Variants in ALG10 observed in about 807,000 individuals in gnomAD.
The protein encoded by ALG10 is ALG10 alpha-1,2-glucosyltransferase.
ALG10 carries 25 observed loss-of-function variants against 39.2 expected under a neutral mutation model. The ratio of observed to expected loss-of-function variants is 0.64; its 90% CI spans 0.46 to 0.89. The LOEUF (loss-of-function observed/expected upper bound fraction) is 0.89. ALG10 is among the 40% of genes least tolerant of loss of function. The pLI is 0.00. For synonymous variants in ALG10, 184 were observed against 193.9 expected (o/e 0.95, Z 0.42); for missense variants, 486 against 546.6 (o/e 0.89, Z 1.11).
chr12:34,025,773 T>C (rs1942823880), intron 2 of ALG10, 90 bp from the exon 3 acceptor site: 1 of 1,471,508 alleles, frequency 6.8e-7, no homozygotes, highest in Non-Finnish European at 9.4e-7. Context: ...AGTAGTTGAG[T>C]AGTTTTTAAA....
In ALG10 at chr12:34,027,774, C is replaced by T. The variant is rs1276915584; in HGVS notation, c.*859C>T. The T allele has an allele frequency of 6.6e-6, 1 of 152,154 alleles. No individual in the cohort carries two copies. The highest frequency in any genetic ancestry group is 1.5e-5 in the Non-Finnish European group (1 of 68,018). 9.4% of individuals were successfully genotyped at this position (152,154 alleles called of 1,614,324 possible). A position where few individuals can be genotyped will look rare whatever the true frequency, so the allele number is the denominator to read the frequency against. On this transcript the variant is annotated 3_prime_UTR_variant, in exon 3 of 3. Coordinates refer to ENST00000266483, the MANE Select transcript of ALG10 (RefSeq NM_032834.4). ...AAAGTGTCAGCAGAGTTGGTTCCTTCTGGAGGCTCTAAGGAAGAATCCATA... is the reference window on the plus strand; with the variant it reads ...AAAGTGTCAGCAGAGTTGGTTCCTTTTGGAGGCTCTAAGGAAGAATCCATA...
Position 34,026,102 on chromosome 12 carries a change from A to C in ALG10, c.609A>C (p.Gln203His), listed in dbSNP as rs770910844. The change falls in exon 3 of 3, where the codon CAA (glutamine) becomes CAC (histidine). Residue 203 changes from glutamine (Q) to histidine (H), a missense_variant. Coordinates refer to ENST00000266483, the MANE Select transcript of ALG10 (RefSeq NM_032834.4). ...AVFCAGNVIA[Q>H]KLTEAWKTEL... ...TCTGTGCAGGAAATGTCATTGCACA[A>C]AAGTTAACGGAGGCTTGGAAAACTG... 4.3e-6 allele frequency: 7 copies of C among 1,614,000 alleles called. No individual in the cohort carries two copies. In the African/African-American group the frequency reaches 9.3e-5, roughly 22 times the overall value.
intron 2 of ALG10, among the ~76,000 whole-genome samples, chr12:34,025,458 A>G (rs1365719379): frequency 5.3e-5 from 8 of 152,306 alleles, no homozygotes; most frequent in African/African-American, 1.4e-4. Context: ...GTGGTTCATT[A>G]TGGCTAAGTG....
chr12:34,023,836 T>A, intron 1 of ALG10, 126 bp from the exon 2 acceptor site: 1 of 1,303,216 alleles, frequency 7.7e-7, no homozygotes, highest in Non-Finnish European at 1.1e-6. Flanking sequence ...ACTTACTTAA[T>A]CTTGTCATAG....
rs1432772357 is a variant in ALG10 at position 34,027,114 on chromosome 12, C to T, written c.*199C>T. The T allele has an allele frequency of 2.0e-6, 1 of 498,892 alleles. No homozygotes were observed. The highest frequency in any genetic ancestry group is 2.0e-5 in the African/African-American group (1 of 50,044). The allele number at this position is 498,892 out of a possible 1,614,324, so 30.9% of individuals were successfully genotyped here. A position where few individuals can be genotyped will look rare whatever the true frequency, so the allele number is the denominator to read the frequency against. On this transcript the variant is annotated 3_prime_UTR_variant, in exon 3 of 3. Transcript: ENST00000266483. ...AACTGAGAAAGCTTAAGACCTGCTT[C>T]AAAAGCCTGAAAAATGGAAAAATAA...
rs759226021 is a variant in ALG10, at chr12:34,022,767, C to T, written c.168C>T (p.Ser56=). The T allele has an allele frequency of 3.2e-5, 52 of 1,613,996 alleles. No homozygotes were observed. The highest frequency in any genetic ancestry group is 6.7e-5 in the Admixed American group (4 of 59,990). ...QRYCEGHFSL[S]QWDPMITTLP... ...ACTGTGAGGGCCATTTCTCCCTTTCCCAGGTGGGGTCCCCAACCTGTCCCC... is the reference window on the plus strand; with the variant it reads ...ACTGTGAGGGCCATTTCTCCCTTTCTCAGGTGGGGTCCCCAACCTGTCCCC... Residue 56 remains serine (S), a synonymous_variant, in exon 1 of 3, where the codon TCC becomes TCT. Transcript: ENST00000266483.
chr12:34,025,137 G>C lies in ALG10; in HGVS notation c.370-726G>C, dbSNP rs1434331007. On this transcript the variant is annotated intron_variant, in intron 2 of 2. Transcript: ENST00000266483. ...GAATGCCCTTATGTGTCACAGAGAG[G>C]ACTTTGAACTTTAGCATGTAATGTA... 3.3e-5 allele frequency among the ~76,000 whole-genome samples: 5 copies of C among 152,122 alleles called. No homozygotes were observed. The East Asian group carries it at 9.6e-4, about 29-fold the overall frequency.
chr12:34,027,082 G>A lies in ALG10; in HGVS notation c.*167G>A. ...TTTAAACATATGTAAGAAATTAAGTGGCAAAGAACTGAGAAAGCTTAAGAC... is the reference window on the plus strand; with the variant it reads ...TTTAAACATATGTAAGAAATTAAGTAGCAAAGAACTGAGAAAGCTTAAGAC... On this transcript the variant is annotated 3_prime_UTR_variant, in exon 3 of 3. Transcript: ENST00000266483. 1.0e-5 allele frequency: 7 copies of A among 689,912 alleles called. No individual in the cohort carries two copies. Among genetic ancestry groups the A allele is most frequent in the Non-Finnish European group, 1.5e-5 (7 of 459,522 alleles). The allele number at this position is 689,912 out of a possible 1,614,324, so 42.7% of individuals were successfully genotyped here.
At position 34,028,004 on chromosome 12, in the gene ALG10, T is replaced by C. The variant is rs1248823963; in HGVS notation, c.*1089T>C. On this transcript the variant is annotated 3_prime_UTR_variant, in exon 3 of 3. Transcript: ENST00000266483. ...TCTTTGAATGTAGGGCCCACCCTGA[T>C]CTAGGGTGATTGTGTCTGGAGACCC... 6.6e-6 allele frequency: 1 copy of C among 152,130 alleles called. No homozygotes were observed. Among genetic ancestry groups the C allele is most frequent in the Non-Finnish European group, 1.5e-5 (1 of 68,010 alleles). The allele number at this position is 152,130 out of a possible 1,614,324, so 9.4% of individuals were successfully genotyped here.
chr12:34,026,600 A>G lies in ALG10; in HGVS notation c.1107A>G (p.Val369=), dbSNP rs373375014. The part of the protein sequence containing the change: ...WKRVFQRYET[V]KYLLVPAYIF... ...GAGTTTTTCAAAGATATGAAACTGT[A>G]AAATATTTGTTAGTTCCAGCCTATA... Residue 369 remains valine (V), a synonymous_variant, in exon 3 of 3, where the codon GTA becomes GTG. Coordinates refer to ENST00000266483, the MANE Select transcript of ALG10 (RefSeq NM_032834.4). 36 of 1,613,952 alleles carry G rather than the reference A, an allele frequency of 2.2e-5. No individual in the cohort carries two copies. The African/African-American group carries it at 3.7e-4, about 17-fold the overall frequency.
At position 34,022,532 on chromosome 12, in the gene ALG10, C is replaced by T; in HGVS notation, c.-68C>T. The T allele has an allele frequency of 1.2e-6, 2 of 1,612,950 alleles. No homozygotes were observed. Among genetic ancestry groups the T allele is most frequent in the Non-Finnish European group, 1.7e-6 (2 of 1,179,504 alleles). Reference sequence around the variant, plus strand: ...GCGCGCCCATTTCGAGCCCAAGTTTCCAGCTCGGGTTTCCAGGCTCAGAAT... The same window carrying T: ...GCGCGCCCATTTCGAGCCCAAGTTTTCAGCTCGGGTTTCCAGGCTCAGAAT... On this transcript the variant is annotated 5_prime_UTR_variant, in exon 1 of 3. Transcript: ENST00000266483.
At position 34,024,036 on chromosome 12, in the gene ALG10, C is replaced by T. The variant is rs376215584; in HGVS notation, c.246C>T (p.Ile82=). The T allele has an allele frequency of 3.5e-5, 57 of 1,614,020 alleles. No individual in the cohort carries two copies. Among genetic ancestry groups the T allele is most frequent in the Non-Finnish European group, 4.5e-5 (53 of 1,180,012 alleles). Residue 82 remains isoleucine (I), a synonymous_variant, in exon 2 of 3, where the codon ATC becomes ATT. Coordinates refer to ENST00000266483, the MANE Select transcript of ALG10 (RefSeq NM_032834.4). The part of the protein sequence containing the change: ...SIGVIKPAIW[I]FGWSEHVVCS... ...GAGTGATCAAACCTGCCATTTGGAT[C>T]TTTGGATGGTCTGAACATGTTGTCT... is the stretch of plus-strand genomic sequence containing the variant.
At chr12:34,025,057 C>T (rs1942816235) in intron 2 of ALG10, among the ~76,000 whole-genome samples, 1 of 152,008 alleles carries the variant, frequency 6.6e-6, no homozygotes, top group Non-Finnish European at 1.5e-5. Flanking sequence ...GGGAATTGGT[C>T]TTGGAATTAC....
At position 34,024,907 on chromosome 12, in the gene ALG10, G is replaced by C. The variant is rs368080141; in HGVS notation, c.369+748G>C. Among the ~76,000 whole-genome samples, 97 of 152,270 alleles carry C rather than the reference G, an allele frequency of 6.4e-4. 2 individuals are homozygous for C. In the South Asian group the frequency reaches 0.019, roughly 30 times the overall value. On this transcript the variant is annotated intron_variant, in intron 2 of 2. Coordinates refer to ENST00000266483, the MANE Select transcript of ALG10 (RefSeq NM_032834.4). ...TTTCTGGGAGGGAGGGGAGTATGTGGCATTTGGTAAGTCCTCACAGAGAAG... is the reference window on the plus strand; with the variant it reads ...TTTCTGGGAGGGAGGGGAGTATGTGCCATTTGGTAAGTCCTCACAGAGAAG...
rs778104561 is a variant in ALG10, at chr12:34,026,184, A to C, written c.691A>C (p.Arg231=). 3 of 1,614,128 alleles carry C rather than the reference A, an allele frequency of 1.9e-6. No homozygotes were observed. Among genetic ancestry groups the C allele is most frequent in the Non-Finnish European group, 2.5e-6 (3 of 1,179,966 alleles). ...PPIKGPFAEF[R]KILQFLLAYS... is the part of the protein sequence containing the mutation. Reference sequence around the variant, plus strand: ...TATTAAAGGACCATTTGCAGAATTCAGAAAAATTCTTCAGTTTCTTTTGGC... The same window carrying C: ...TATTAAAGGACCATTTGCAGAATTCCGAAAAATTCTTCAGTTTCTTTTGGC... Residue 231 remains arginine, a synonymous_variant, in exon 3 of 3, where the codon AGA becomes CGA. Transcript: ENST00000266483.
chr12:34,023,533 C>A, intron 1 of ALG10: 2 of 281,128 alleles, frequency 7.1e-6, no homozygotes, highest in Non-Finnish European at 1.4e-5. Flanking sequence ...CATATTGTAA[C>A]GTTAATACAG....
chr12:34,027,629 G>A lies in ALG10; in HGVS notation c.*714G>A, dbSNP rs1942849086. On this transcript the variant is annotated 3_prime_UTR_variant, in exon 3 of 3. Coordinates refer to ENST00000266483, the MANE Select transcript of ALG10 (RefSeq NM_032834.4). ...GTATTGATTATAATCCTTTAAAAGG[G>A]GGATTTCCTTTCTGAAATACATATT... 6.6e-6 allele frequency: 1 copy of A among 152,004 alleles called. No homozygotes were observed. Among genetic ancestry groups the A allele is most frequent in the Non-Finnish European group, 1.5e-5 (1 of 67,990 alleles). 9.4% of individuals were successfully genotyped at this position (152,004 alleles called of 1,614,324 possible). A position where few individuals can be genotyped will look rare whatever the true frequency, so the allele number is the denominator to read the frequency against.
intron 2 of ALG10, 93 bp downstream of exon 2, chr12:34,024,252 T>C: frequency 7.1e-7 from 1 of 1,400,108 alleles, no homozygotes; most frequent in African/African-American, 1.4e-5. Flanking sequence ...AAAATGTCTT[T>C]AACACTTTGT....
Position 34,026,560 on chromosome 12 carries a change from T to G in ALG10, c.1067T>G (p.Phe356Cys), listed in dbSNP as rs534786683. ...CTAGCAGACAATAGACATTATACTT[T>G]CTATGTGTGGAAAAGAGTTTTTCAA... ...YLLADNRHYTFYVWKRVFQRY... is the reference protein window; with the variant it reads ...YLLADNRHYTCYVWKRVFQRY... Residue 356 changes from phenylalanine (F) to cysteine (C), a missense_variant, in exon 3 of 3, where the codon TTC becomes TGC. Phe to Cys is a radical substitution (Grantham distance 205). Coordinates refer to ENST00000266483, the MANE Select transcript of ALG10 (RefSeq NM_032834.4). The G allele has an allele frequency of 6.2e-7, 1 of 1,613,718 alleles. No individual in the cohort carries two copies. Among genetic ancestry groups the G allele is most frequent in the Non-Finnish European group, 8.5e-7 (1 of 1,179,852 alleles).
Sources: gnomAD v4.1 joint callset for allele counts (sites outside exome capture counted in the v4.1 genomes callset) on GRCh38, gnomAD v4.1.1 for gene constraint, MANE v1.5 for transcripts, NCBI Gene and HGNC (gene_info 2026-07-23, HGNC 2026-07-21) for gene names.